Variants in KCTD8 observed in about 807,000 individuals in gnomAD.
KCTD8 encodes the protein BTB/POZ domain-containing protein KCTD8.
KCTD8 carries 27 observed loss-of-function variants against 31.5 expected under a neutral mutation model. The ratio of observed to expected loss-of-function variants is 0.86; its 90% CI spans 0.63 to 1.18. The LOEUF (loss-of-function observed/expected upper bound fraction) is 1.18, where lower values mean the gene tolerates loss of function less well. Ranked by LOEUF, KCTD8 falls within the 50% of genes most tolerant of loss-of-function variation. The probability of loss-of-function intolerance (pLI) is 0.00; values close to 1 mark genes in which losing one functional copy is unlikely to be tolerated. For synonymous variants in KCTD8, 290 were observed against 280.0 expected, an observed-to-expected ratio of 1.04 and a Z score of -0.36; for missense variants, 658 against 647.7, an observed-to-expected ratio of 1.02 and a Z score of -0.17.
chr4:44,447,163 AC>A (rs1644370048), intron 1 of KCTD8, among the ~76,000 whole-genome samples: 1 of 152,078 alleles, frequency 6.6e-6, no homozygotes, highest in Non-Finnish European at 1.5e-5. Context: ...ACATGAAATG[AC>A]CCCCAGCAGT....
At chr4:44,176,904 G>A (rs1019932453) in intron 1 of KCTD8, among the ~76,000 whole-genome samples, 3 of 66,180 alleles carry the variant, frequency 4.5e-5, no homozygotes, top group African/African-American at 7.2e-5. Flanking sequence ...TCTATCTCAG[G>A]GAAAGTCTTA....
intron 1 of KCTD8, among the ~76,000 whole-genome samples, chr4:44,294,428 T>A (rs993693546): frequency 1.3e-5 from 2 of 152,230 alleles, no homozygotes; most frequent in African/African-American, 2.4e-5. Context: ...GAAAAACATA[T>A]GTTTAAAAGA....
rs34459205 is a variant in KCTD8, at chr4:44,272,121, T to TTATATATATATATATATATATATA, written c.962-96872_962-96871insTATATATATATATATATATATATA. On this transcript the variant is annotated intron_variant, in intron 1 of 1. Coordinates refer to ENST00000360029, the MANE Select transcript of KCTD8 (RefSeq NM_198353.3). The stretch of plus-strand genomic sequence containing the variant: ...ATCAATAAATACCCATGGTATTATA[T>TTATATATATATATATATATATATA]TATATATATATATATATATAAATGC... Among the ~76,000 whole-genome samples, 367 of 142,388 alleles carry TTATATATATATATATATATATATA rather than the reference T, an allele frequency of 2.6e-3. 7 individuals are homozygous for TTATATATATATATATATATATATA. The highest frequency in any genetic ancestry group is 9.7e-3 in the African/African-American group (352 of 36,468). 93.4% of individuals were successfully genotyped at this position (142,388 alleles called of 152,430 possible). A position where few individuals can be genotyped will look rare whatever the true frequency, so the allele number is the denominator to read the frequency against.
At chr4:44,419,818 T>G (rs1721169756) in intron 1 of KCTD8, among the ~76,000 whole-genome samples, 1 of 151,722 alleles carries the variant, frequency 6.6e-6, no homozygotes. Flanking sequence ...ACCTGCACAT[T>G]GTGCACATGT....
chr4:44,275,299 T>G (rs1211970687), intron 1 of KCTD8, among the ~76,000 whole-genome samples: 2 of 151,958 alleles, frequency 1.3e-5, no homozygotes, highest in Admixed American at 6.6e-5. Context: ...GTAAATCATC[T>G]TTATGAGAAA....
chr4:44,412,638 C>T (rs906270445), intron 1 of KCTD8, among the ~76,000 whole-genome samples: 5 of 152,074 alleles, frequency 3.3e-5, no homozygotes, highest in African/African-American at 9.7e-5. Context: ...GAAAGAGATT[C>T]TTGGAAAACT....
chr4:44,338,552 C>T (rs1718814727), intron 1 of KCTD8, among the ~76,000 whole-genome samples: 2 of 152,152 alleles, frequency 1.3e-5, no homozygotes, highest in South Asian at 4.1e-4. Flanking sequence ...GTGCTACATG[C>T]CTTTTTCTCT....
At chr4:44,296,231 T>C (rs1717427785) in intron 1 of KCTD8, among the ~76,000 whole-genome samples, 1 of 152,148 alleles carries the variant, frequency 6.6e-6, no homozygotes. Context: ...CCTCCCTTTT[T>C]TTTCTGATCC....
At chr4:44,213,646 T>C (rs1714559068) in intron 1 of KCTD8, among the ~76,000 whole-genome samples, 1 of 152,214 alleles carries the variant, frequency 6.6e-6, no homozygotes, top group Non-Finnish European at 1.5e-5. Context: ...GAAAAATCCC[T>C]GTGGTATAAG....
intron 1 of KCTD8, among the ~76,000 whole-genome samples, chr4:44,382,858 G>A (rs1720110505): frequency 6.6e-6 from 1 of 151,734 alleles, no homozygotes; most frequent in Non-Finnish European, 1.5e-5. Context: ...TTGGAAAGAA[G>A]AAAGTCAAAC....
chr4:44,281,737 A>G (rs1225154748), intron 1 of KCTD8, among the ~76,000 whole-genome samples: 1 of 152,154 alleles, frequency 6.6e-6, no homozygotes, highest in Non-Finnish European at 1.5e-5. Flanking sequence ...AGAACTTTGT[A>G]CCAAGACGAG....
chr4:44,252,582 A>G (rs1223225147), intron 1 of KCTD8, among the ~76,000 whole-genome samples: 1 of 151,656 alleles, frequency 6.6e-6, no homozygotes, highest in Non-Finnish European at 1.5e-5. Flanking sequence ...TATCGCATCA[A>G]AAGCTTTTTT....
chr4:44,419,294 C>G (rs1249611268), intron 1 of KCTD8, among the ~76,000 whole-genome samples: 1 of 152,150 alleles, frequency 6.6e-6, no homozygotes, highest in Non-Finnish European at 1.5e-5. Context: ...AATAGAGCAA[C>G]TGAGGTCCCA....
intron 1 of KCTD8, among the ~76,000 whole-genome samples, chr4:44,443,573 A>G (rs756333558): frequency 6.6e-6 from 1 of 152,220 alleles, no homozygotes; most frequent in Non-Finnish European, 1.5e-5. Flanking sequence ...TAATTCCTAG[A>G]TCTGGCATTT....
At chr4:44,176,955 C>A (rs1353894163) in intron 1 of KCTD8, among the ~76,000 whole-genome samples, 1 of 151,886 alleles carries the variant, frequency 6.6e-6, no homozygotes, top group Non-Finnish European at 1.5e-5. Context: ...TATGATAAAA[C>A]CAGGACAAAT....
chr4:44,438,906 A>G (rs1337125708), intron 1 of KCTD8, among the ~76,000 whole-genome samples: 2 of 152,220 alleles, frequency 1.3e-5, no homozygotes, highest in African/African-American at 2.4e-5. Context: ...TTTGATCCTC[A>G]TAACAAAGCT....
At chr4:44,281,294 G>C (rs1039044744) in intron 1 of KCTD8, among the ~76,000 whole-genome samples, 1 of 152,036 alleles carries the variant, frequency 6.6e-6, no homozygotes, top group Non-Finnish European at 1.5e-5. Flanking sequence ...GATTGCAAAA[G>C]AGTAAAATTT....
At chr4:44,316,080 A>T (rs1718100779) in intron 1 of KCTD8, among the ~76,000 whole-genome samples, 1 of 151,634 alleles carries the variant, frequency 6.6e-6, no homozygotes, top group African/African-American at 2.4e-5. Context: ...TTTTTTTATT[A>T]CTTAACTTTC....
At chr4:44,249,691 C>A (rs1251023804) in intron 1 of KCTD8, among the ~76,000 whole-genome samples, 1 of 151,652 alleles carries the variant, frequency 6.6e-6, no homozygotes, top group African/African-American at 2.4e-5. Flanking sequence ...GTATAAACAC[C>A]ACAGAAATTA....
Sources: allele counts gnomAD v4.1 joint callset (sites outside exome capture counted in the v4.1 genomes callset), GRCh38; gene constraint gnomAD v4.1.1; transcripts MANE v1.5; gene names NCBI Gene and HGNC (gene_info 2026-07-23, HGNC 2026-07-21).